ZNF878: variants seen among roughly 807,000 people sequenced by gnomAD.
ZNF878 encodes the protein zinc finger protein 878.
A neutral mutation model predicts 11.1 loss-of-function variants in ZNF878; 10 were observed. The observed-to-expected ratio is 0.90, with a 90% confidence interval of 0.56 to 1.53. The LOEUF (loss-of-function observed/expected upper bound fraction) is 1.53, where lower values mean the gene tolerates loss of function less well. Among genes scored for constraint, ZNF878 ranks in the 40% most tolerant of loss-of-function variants. The pLI is 0.00. For missense variants in ZNF878, 548 were observed against 626.1 expected (o/e 0.88, Z 1.33); for synonymous variants, 165 against 209.7 (o/e 0.79, Z 1.84).
At chr19:12,048,387 G>A (rs990217463) in intron 1 of ZNF878, among the ~76,000 whole-genome samples, 4 of 151,578 alleles carry the variant, frequency 2.6e-5, no homozygotes, top group Non-Finnish European at 5.9e-5. Flanking sequence ...TCTTGGTGGC[G>A]GGCGCCTATA....
Position 12,046,460 on chromosome 19 carries a change from A to T in ZNF878, c.131-32T>A, listed in dbSNP as rs750090725. ...TGCGGACCCAGAAAAATAGTCCTGA[A>T]TTAGTATAAAATTATTTTAAAAAGT... On this transcript the variant is annotated intron_variant, in intron 2 of 3. Coordinates refer to ENST00000547628, the MANE Select transcript of ZNF878 (RefSeq NM_001080404.3). The T allele has an allele frequency of 6.5e-5, 102 of 1,560,158 alleles. No homozygotes were observed. The Admixed American group carries it at 7.3e-4, about 11-fold the overall frequency.
Position 12,052,835 on chromosome 19 carries a change from A to G in ZNF878, c.-34T>C, listed in dbSNP as rs756389012. On this transcript the variant is annotated 5_prime_UTR_variant, in exon 1 of 4. Coordinates refer to ENST00000547628, the MANE Select transcript of ZNF878 (RefSeq NM_001080404.3). Reference sequence around the variant, plus strand: ...TTCCAGGTATTCTGGCGTCCTCTCTAAAGGTCCCGTGAACAGTGCAGGTCA... The same window carrying G: ...TTCCAGGTATTCTGGCGTCCTCTCTGAAGGTCCCGTGAACAGTGCAGGTCA... The G allele has an allele frequency of 3.9e-6, 6 of 1,535,864 alleles. No homozygotes were observed. The South Asian group carries it at 4.8e-5, about 12-fold the overall frequency.
chr19:12,043,826 A>G lies in ZNF878; in HGVS notation c.1575T>C (p.His525=). ...GTTTCTAGCCAGCGTGAGTCCTTACATGCTTTTGAAGGATTGAGGCAGATC... is the reference window on the plus strand; with the variant it reads ...GTTTCTAGCCAGCGTGAGTCCTTACGTGCTTTTGAAGGATTGAGGCAGATC... ...AFRSASILQK[H]VRTHAG The change falls in exon 4 of 4, where the codon CAT becomes CAC. Residue 525 remains histidine, a synonymous_variant. Transcript: ENST00000547628. The G allele has an allele frequency of 6.2e-7, 1 of 1,607,184 alleles. No individual in the cohort carries two copies. The highest frequency in any genetic ancestry group is 8.5e-7 in the Non-Finnish European group (1 of 1,177,612).
chr19:12,045,521 G>A (rs932155772), intron 3 of ZNF878, among the ~76,000 whole-genome samples: 4 of 151,840 alleles, frequency 2.6e-5, no homozygotes, highest in African/African-American at 4.8e-5. Flanking sequence ...GGTGGCAGGT[G>A]CCTGCAGTCC....
At position 12,044,506 on chromosome 19, in the gene ZNF878, G is replaced by C; in HGVS notation, c.895C>G (p.Arg299Gly). The C allele has an allele frequency of 6.2e-7, 1 of 1,613,546 alleles. No homozygotes were observed. The highest frequency in any genetic ancestry group is 1.1e-5 in the South Asian group (1 of 91,044). Reference protein sequence around the residue: ...RKAFRSVKYLRVHERKHTGEK... With the variant: ...RKAFRSVKYLGVHERKHTGEK... The stretch of plus-strand genomic sequence containing the variant: ...CCAGTGTGTTTTCTTTCATGTACTC[G>C]CAGGTACTTGACAGATCTGAAGGCT... The change falls in exon 4 of 4, where the codon CGA becomes GGA. Residue 299 changes from arginine to glycine, a missense_variant. Arg to Gly is a moderately radical substitution (Grantham distance 125, BLOSUM62 -2). Transcript: ENST00000547628.
At chr19:12,046,836 G>T in intron 1 of ZNF878, 76 bp from the exon 2 acceptor site, 1 of 1,586,062 alleles carries the variant, frequency 6.3e-7, no homozygotes, top group African/African-American at 1.4e-5. Flanking sequence ...TTCCTAGGAA[G>T]TTCTCAGGAT....
intron 3 of ZNF878, 198 bp downstream of exon 3, chr19:12,046,170 C>T (rs774178767): frequency 1.8e-5 from 9 of 499,352 alleles, no homozygotes; most frequent in East Asian, 3.2e-5. Flanking sequence ...CAGGTTCAAG[C>T]GATCTTCCAT....
intron 2 of ZNF878, 58 bp from the exon 3 acceptor site, chr19:12,046,486 T>A: frequency 6.4e-7 from 1 of 1,557,550 alleles, no homozygotes; most frequent in East Asian, 2.3e-5. Context: ...TTTAAAAAGT[T>A]ACTTGATTCT....
At chr19:12,051,514 C>T (rs1169625607) in intron 1 of ZNF878, among the ~76,000 whole-genome samples, 1 of 151,964 alleles carries the variant, frequency 6.6e-6, no homozygotes, top group Non-Finnish European at 1.5e-5. Context: ...GGGCATTCCA[C>T]TGTAATCCCA....
At chr19:12,051,982 G>A (rs916860856) in intron 1 of ZNF878, among the ~76,000 whole-genome samples, 1 of 152,170 alleles carries the variant, frequency 6.6e-6, no homozygotes, top group Non-Finnish European at 1.5e-5. Context: ...GAATAACGTG[G>A]CAGATAACAG....
chr19:12,044,465 C>T lies in ZNF878; in HGVS notation c.936G>A (p.Glu312=), dbSNP rs1975440137. The change falls in exon 4 of 4, where the codon GAG becomes GAA. Residue 312 remains glutamate, a synonymous_variant. Transcript: ENST00000547628. Reference sequence around the variant, plus strand: ...TAAATCCCTTACCACATAGCTTACACTCATAGGGTTTCTCTCCAGTGTGTT... The same window carrying T: ...TAAATCCCTTACCACATAGCTTACATTCATAGGGTTTCTCTCCAGTGTGTT... ...ERKHTGEKPY[E]CKLCGKGFIS... 6.2e-7 allele frequency: 1 copy of T among 1,613,174 alleles called. No individual in the cohort carries two copies. Among genetic ancestry groups the T allele is most frequent in the East Asian group, 2.2e-5 (1 of 44,776 alleles).
At chr19:12,051,954 G>A (rs1466832104) in intron 1 of ZNF878, among the ~76,000 whole-genome samples, 1 of 152,178 alleles carries the variant, frequency 6.6e-6, no homozygotes, top group Non-Finnish European at 1.5e-5. Flanking sequence ...TTTGGGGAAG[G>A]GGGCGGGGAC....
intron 1 of ZNF878, among the ~76,000 whole-genome samples, chr19:12,049,460 CAAA>C (rs59577895): frequency 2.0e-3 from 71 of 36,036 alleles, no homozygotes; most frequent in South Asian, 0.01. Context: ...GACTCCCTCT[CAAA>C]AAAAAAAAAA....
Position 12,052,733 on chromosome 19 carries a change from C to T in ZNF878, c.3+66G>A, listed in dbSNP as rs558348128. ...CAGGGGGGCCCGGGCCCCGCCACAG[C>T]GGGTTCCTCTCGGTTCCACCCAGTC... On this transcript the variant is annotated intron_variant, in intron 1 of 3. Transcript: ENST00000547628. The T allele has an allele frequency of 4.6e-6, 7 of 1,530,750 alleles. No homozygotes were observed. The South Asian group carries it at 4.8e-5, about 10-fold the overall frequency. The allele number at this position is 1,530,750 out of a possible 1,614,324, so 94.8% of individuals were successfully genotyped here. A position where few individuals can be genotyped will look rare whatever the true frequency, so the allele number is the denominator to read the frequency against.
In ZNF878 at chr19:12,044,717, T is replaced by C. The variant is rs773223415; in HGVS notation, c.684A>G (p.Lys228=). ...MRMHTGERPH[K]CNICGKAFFS... is the part of the protein sequence containing the mutation. The stretch of plus-strand genomic sequence containing the variant: ...AAAAGGCTTTCCCACATATGTTACA[T>C]TTATGAGGTCTCTCTCCAGTGTGCA... Residue 228 remains lysine, a synonymous_variant, in exon 4 of 4, where the codon AAA becomes AAG. Coordinates refer to ENST00000547628, the MANE Select transcript of ZNF878 (RefSeq NM_001080404.3). 70 of 1,613,996 alleles carry C rather than the reference T, an allele frequency of 4.3e-5. No individual in the cohort carries two copies. Among genetic ancestry groups the C allele is most frequent in the Admixed American group, 1.3e-4 (8 of 59,984 alleles).
chr19:12,043,893 C>G lies in ZNF878; in HGVS notation c.1508G>C (p.Gly503Ala), dbSNP rs1342427550. The G allele has an allele frequency of 2.5e-6, 4 of 1,614,008 alleles. No homozygotes were observed. Among genetic ancestry groups the G allele is most frequent in the South Asian group, 1.1e-5 (1 of 91,076 alleles). Reference sequence around the variant, plus strand: ...TTGCTTACACTCATAGGGTTTCTCTCCAGTATGAATCCTTTCATGGTAGAG... The same window carrying G: ...TTGCTTACACTCATAGGGTTTCTCTGCAGTATGAATCCTTTCATGGTAGAG... ...SFLYHERIHTGEKPYECKQCG... is the reference protein window; with the variant it reads ...SFLYHERIHTAEKPYECKQCG... Residue 503 changes from glycine to alanine, a missense_variant, in exon 4 of 4, where the codon GGA (glycine) becomes GCA (alanine). This residue lies in a region of ZNF878 where 335 missense variants were observed against 358.2 expected (regional missense o/e 0.94). Coordinates refer to ENST00000547628, the MANE Select transcript of ZNF878 (RefSeq NM_001080404.3).
chr19:12,050,891 G>C (rs1160983486), intron 1 of ZNF878, among the ~76,000 whole-genome samples: 1 of 150,496 alleles, frequency 6.6e-6, no homozygotes, highest in Non-Finnish European at 1.5e-5. Context: ...TCAGGAGATC[G>C]AGACCATCCT....
chr19:12,046,497 A>G (rs367900688), intron 2 of ZNF878, 69 bp from the exon 3 acceptor site: 151 of 1,554,860 alleles, frequency 9.7e-5, no homozygotes, highest in Non-Finnish European at 1.3e-4. Flanking sequence ...ACTTGATTCT[A>G]TGTCCATGGC....
rs373728911 is a variant in ZNF878 at position 12,046,855 on chromosome 19, G to C, written c.4-95C>G. The stretch of plus-strand genomic sequence containing the variant: ...TAGGAAGTTCTCAGGATGCTGTGGT[G>C]TGTGGACTCCAAACATTTATTCCAT... On this transcript the variant is annotated intron_variant, in intron 1 of 3. Coordinates refer to ENST00000547628, the MANE Select transcript of ZNF878 (RefSeq NM_001080404.3). The C allele has an allele frequency of 5.4e-5, 83 of 1,533,476 alleles. 1 individual carries two copies. The South Asian group carries it at 8.9e-4, about 16-fold the overall frequency. The allele number at this position is 1,533,476 out of a possible 1,614,324, so 95.0% of individuals were successfully genotyped here. A position where few individuals can be genotyped will look rare whatever the true frequency, so the allele number is the denominator to read the frequency against.
Sources: allele counts gnomAD v4.1 joint callset (sites outside exome capture counted in the v4.1 genomes callset), GRCh38; gene constraint gnomAD v4.1.1; regional missense constraint gnomAD v4.1.1; transcripts MANE v1.5; gene names NCBI Gene and HGNC (gene_info 2026-07-23, HGNC 2026-07-21).